The following IGSF11 variants were observed in gnomAD, a reference collection of about 807,000 sequenced individuals.
The protein encoded by IGSF11 is CXADR like 1.
A neutral mutation model predicts 41.0 loss-of-function variants in IGSF11; 22 were observed. The observed-to-expected ratio is 0.54, with a 90% confidence interval of 0.38 to 0.77. The LOEUF (loss-of-function observed/expected upper bound fraction) is 0.77, where lower values mean the gene tolerates loss of function less well. Among genes scored for constraint, IGSF11 ranks in the 30% least tolerant of loss-of-function variants. IGSF11 has a pLI of 0.00. For synonymous variants in IGSF11, 219 were observed against 201.3 expected, an observed-to-expected ratio of 1.09 and a Z score of -0.74; for missense variants, 444 against 530.8, an observed-to-expected ratio of 0.84 and a Z score of 1.61.
At chr3:119,007,526 C>T (rs1008374357) in intron 1 of IGSF11, among the ~76,000 whole-genome samples, 17 of 152,304 alleles carry the variant, frequency 1.1e-4, no homozygotes, top group African/African-American at 3.8e-4. Context: ...CCTATCACAC[C>T]CTTCCAACCT....
intron 1 of IGSF11, among the ~76,000 whole-genome samples, chr3:119,055,991 T>C (rs1941817291): frequency 1.3e-5 from 2 of 152,196 alleles, no homozygotes; most frequent in African/African-American, 4.8e-5. Context: ...GGGAAATTTA[T>C]AGCAGTAAAT....
intron 1 of IGSF11, among the ~76,000 whole-genome samples, chr3:118,941,355 A>G (rs1444023139): frequency 6.6e-6 from 1 of 152,186 alleles, no homozygotes; most frequent in African/African-American, 2.4e-5. Context: ...AAGTATACAA[A>G]TGAGTAATAA....
upstream of IGSF11, among the ~76,000 whole-genome samples, chr3:119,106,639 G>T (rs1019641339): frequency 1.3e-5 from 2 of 151,862 alleles, no homozygotes. Context: ...CACAACGTGC[G>T]GGTTAGTTAC....
At chr3:118,953,058 C>A (rs907060092) in intron 1 of IGSF11, among the ~76,000 whole-genome samples, 2 of 151,988 alleles carry the variant, frequency 1.3e-5, no homozygotes, top group African/African-American at 4.8e-5. Context: ...CCCCTTCCAA[C>A]CTTTCCCCAC....
At chr3:119,046,576 T>TAATTTCCCCA (rs1314300581) in intron 1 of IGSF11, among the ~76,000 whole-genome samples, 1 of 151,828 alleles carries the variant, frequency 6.6e-6, no homozygotes, top group African/African-American at 2.4e-5. Flanking sequence ...CTCTGCAGGA[T>TAATTTCCCCA]ATTATCCAGG....
chr3:119,016,261 T>C (rs903788586), intron 1 of IGSF11, among the ~76,000 whole-genome samples: 1 of 152,146 alleles, frequency 6.6e-6, no homozygotes, highest in East Asian at 1.9e-4. Flanking sequence ...GCTGGGAAGC[T>C]GGGGAAGCCA....
At chr3:119,098,211 A>G (rs923547147) in intron 1 of IGSF11, among the ~76,000 whole-genome samples, 1 of 152,068 alleles carries the variant, frequency 6.6e-6, no homozygotes, top group South Asian at 2.1e-4. Context: ...TCCATCATTT[A>G]TATGTCATGT....
chr3:118,977,533 A>T (rs1045762689), intron 1 of IGSF11, among the ~76,000 whole-genome samples: 1 of 152,208 alleles, frequency 6.6e-6, no homozygotes, highest in Non-Finnish European at 1.5e-5. Flanking sequence ...CTTCAAATAG[A>T]TCATCCAAGA....
chr3:118,991,352 A>T (rs1038822370), intron 1 of IGSF11, among the ~76,000 whole-genome samples: 5 of 152,188 alleles, frequency 3.3e-5, no homozygotes, highest in Non-Finnish European at 5.9e-5. Flanking sequence ...TGAGGCTCTC[A>T]TAAGTGCCTA....
In IGSF11 at chr3:118,913,609, GAAC is replaced by G. The variant is rs576683512; in HGVS notation, c.581-7894_581-7892del. On this transcript the variant is annotated intron_variant, in intron 4 of 6. Transcript: ENST00000393775. ...GATATTTTCAGAAAAACAAACATGA[GAAC>G]AACAACACTCATAGATCATCAATGT... Among the ~76,000 whole-genome samples, 93 of 152,026 alleles carry G rather than the reference GAAC, an allele frequency of 6.1e-4. No homozygotes were observed. The East Asian group carries it at 0.015, about 25-fold the overall frequency.
At chr3:118,945,074 C>G (rs1290772524) in intron 1 of IGSF11, 2 of 152,088 alleles carry the variant, frequency 1.3e-5, no homozygotes, top group African/African-American at 4.8e-5. Context: ...TAAGAAAAGG[C>G]ATAAAAATAT....
chr3:118,952,965 T>C (rs1399465083), intron 1 of IGSF11, among the ~76,000 whole-genome samples: 2 of 152,080 alleles, frequency 1.3e-5, no homozygotes, highest in African/African-American at 2.4e-5. Context: ...ATAAGTGCTT[T>C]AGTGGTGATT....
chr3:118,912,020 A>C (rs1940383382), intron 4 of IGSF11, among the ~76,000 whole-genome samples: 1 of 152,234 alleles, frequency 6.6e-6, no homozygotes, highest in Non-Finnish European at 1.5e-5. Flanking sequence ...ATTTCTTACA[A>C]ACCATGAAAG....
intron 1 of IGSF11, among the ~76,000 whole-genome samples, chr3:118,990,791 A>T (rs894820593): frequency 1.4e-5 from 2 of 145,826 alleles, no homozygotes; most frequent in Non-Finnish European, 3.0e-5. Context: ...GTATTTCAAT[A>T]GATTTCAAAC....
intron 4 of IGSF11, among the ~76,000 whole-genome samples, chr3:118,909,566 G>A (rs80037342): frequency 0.045 from 6,814 of 152,210 alleles, 510 homozygotes; most frequent in African/African-American, 0.16. Flanking sequence ...TTCATTTTGT[G>A]TTGATGCTGG....
At chr3:119,039,196 C>T (rs1019204851), upstream of IGSF11, among the ~76,000 whole-genome samples, 2 of 152,180 alleles carry the variant, frequency 1.3e-5, no homozygotes, top group South Asian at 2.1e-4. Flanking sequence ...CGTAAAACAA[C>T]ACAAATGTGT....
intron 1 of IGSF11, among the ~76,000 whole-genome samples, chr3:119,123,833 C>T (rs1576827936): frequency 6.6e-6 from 1 of 152,174 alleles, no homozygotes; most frequent in Admixed American, 6.5e-5. Context: ...GTAGATATGG[C>T]TTAGGTCATA....
intron 1 of IGSF11, among the ~76,000 whole-genome samples, chr3:119,118,793 G>A (rs1236934665): frequency 1.3e-5 from 2 of 152,178 alleles, no homozygotes; most frequent in Admixed American, 1.3e-4. Context: ...TCTCTTGAAT[G>A]TTTTGCTGCT....
chr3:118,999,353 T>C (rs965221402), intron 1 of IGSF11, among the ~76,000 whole-genome samples: 2 of 152,298 alleles, frequency 1.3e-5, no homozygotes, highest in East Asian at 3.9e-4. Context: ...AGGTTATATA[T>C]AATTACACAG....
Sources: allele counts gnomAD v4.1 joint callset (sites outside exome capture counted in the v4.1 genomes callset), GRCh38; gene constraint gnomAD v4.1.1; transcripts MANE v1.5; gene names NCBI Gene and HGNC (gene_info 2026-07-23, HGNC 2026-07-21).